Variants in RNF115 observed in about 807,000 individuals in gnomAD.
The protein encoded by RNF115 is ring finger protein 115, also known as E3 ubiquitin-protein ligase RNF115.
RNF115 carries 31 observed loss-of-function variants against 39.2 expected under a neutral mutation model. That is an observed-to-expected ratio of 0.79 (90% confidence interval 0.59 to 1.07). The LOEUF (loss-of-function observed/expected upper bound fraction) is 1.07. Ranked by LOEUF, RNF115 falls within the 50% of genes least tolerant of loss-of-function variation. RNF115 has a pLI of 0.00. For synonymous variants in RNF115, 124 were observed against 131.0 expected (o/e 0.95, Z 0.37); for missense variants, 384 against 381.7 (o/e 1.01, Z -0.05).
chr1:145,760,460 G>A (rs1258577465), intron 4 of RNF115, among the ~76,000 whole-genome samples: 1 of 152,168 alleles, frequency 6.6e-6, no homozygotes, highest in Non-Finnish European at 1.5e-5. Context: ...TGCTGTGAGA[G>A]GGACCCTGGG....
At chr1:145,780,618 TAA>T (rs1205816224) in intron 3 of RNF115, among the ~76,000 whole-genome samples, 9 of 64,528 alleles carry the variant, frequency 1.4e-4, no homozygotes, top group African/African-American at 2.4e-4. Flanking sequence ...AGACTCCGTC[TAA>T]AAAAAAAAAA....
intron 3 of RNF115, among the ~76,000 whole-genome samples, chr1:145,780,940 G>T (rs1648115171): frequency 6.6e-6 from 1 of 152,102 alleles, no homozygotes; most frequent in South Asian, 2.1e-4. Flanking sequence ...AGTAATCAAT[G>T]AAACCTTCAG....
chr1:145,761,684 G>T (rs781838686), intron 4 of RNF115, among the ~76,000 whole-genome samples: 1 of 152,250 alleles, frequency 6.6e-6, no homozygotes, highest in Non-Finnish European at 1.5e-5. Context: ...TGCTAGGGCG[G>T]TGCGGAAGGA....
intron 3 of RNF115, among the ~76,000 whole-genome samples, chr1:145,779,063 T>G (rs1648005862): frequency 6.6e-6 from 1 of 152,148 alleles, no homozygotes; most frequent in South Asian, 2.1e-4. Flanking sequence ...TGTTCTAGAC[T>G]CAGGTAAAGG....
At chr1:145,769,760 T>TAAAAA (rs11286047) in intron 4 of RNF115, among the ~76,000 whole-genome samples, 2 of 125,592 alleles carry the variant, frequency 1.6e-5, no homozygotes, top group Non-Finnish European at 3.2e-5. Flanking sequence ...TAAAAATCCT[T>TAAAAA]AAAAAAAAAA....
intron 1 of RNF115, among the ~76,000 whole-genome samples, chr1:145,796,145 A>T (rs1648966427): frequency 6.6e-6 from 1 of 152,174 alleles, no homozygotes; most frequent in Non-Finnish European, 1.5e-5. Flanking sequence ...TAAAGACTTC[A>T]TATCACTCCA....
At chr1:145,790,091 A>T (rs763664686) in intron 1 of RNF115, among the ~76,000 whole-genome samples, 8 of 152,178 alleles carry the variant, frequency 5.3e-5, no homozygotes, top group Non-Finnish European at 1.0e-4. Flanking sequence ...GTTTCCACTG[A>T]CAGCTGAAAG....
intron 2 of RNF115, 57 bp downstream of exon 2, chr1:145,788,851 G>T: frequency 1.6e-6 from 2 of 1,231,704 alleles, no homozygotes; most frequent in South Asian, 1.2e-5. Context: ...AGTCCATGCT[G>T]AGAGAAAATA....
chr1:145,816,467 C>G (rs1570699292), intron 1 of RNF115, among the ~76,000 whole-genome samples: 1 of 81,442 alleles, frequency 1.2e-5, no homozygotes, highest in African/African-American at 3.9e-5. Context: ...GAGTGTTATT[C>G]TGTCAAATTA....
At chr1:145,756,831 CTTTTTTTTTTTTTT>C (rs142073195) in intron 4 of RNF115, among the ~76,000 whole-genome samples, 91 of 67,872 alleles carry the variant, frequency 1.3e-3, no homozygotes, top group Non-Finnish European at 2.0e-3. Flanking sequence ...TTTCTAGCTT[CTTTTTTTTTTTTTT>C]TTTTTTTTTT....
chr1:145,799,105 GT>G (rs1432873637), intron 1 of RNF115, among the ~76,000 whole-genome samples: 3 of 148,626 alleles, frequency 2.0e-5, no homozygotes, highest in Non-Finnish European at 4.4e-5. Context: ...GTGTCGCTCT[GT>G]CACCAGGCTG....
At chr1:145,750,282 G>A in intron 7 of RNF115, 125 bp downstream of exon 7, 4 of 767,568 alleles carry the variant, frequency 5.2e-6, no homozygotes, top group Non-Finnish European at 8.3e-6. Flanking sequence ...AAGGTATTGG[G>A]ATTTTTTTTC....
chr1:145,806,598 T>G (rs1553721603), intron 1 of RNF115, among the ~76,000 whole-genome samples: 1 of 152,094 alleles, frequency 6.6e-6, no homozygotes, highest in African/African-American at 2.4e-5. Flanking sequence ...AGATCCCTCA[T>G]GAATGTCTTG....
At chr1:145,803,250 C>A (rs997590025) in intron 1 of RNF115, among the ~76,000 whole-genome samples, 3 of 136,744 alleles carry the variant, frequency 2.2e-5, no homozygotes, top group Non-Finnish European at 5.1e-5. Flanking sequence ...AACAATAGGC[C>A]ACAGTTTCAG....
chr1:145,815,012 G>C (rs1649920630), intron 1 of RNF115, among the ~76,000 whole-genome samples: 1 of 152,262 alleles, frequency 6.6e-6, no homozygotes, highest in South Asian at 2.1e-4. Flanking sequence ...TATAGCACCA[G>C]ATAGACATCT....
At chr1:145,750,350 A>C (rs1658031168) in intron 7 of RNF115, 57 bp downstream of exon 7, 2 of 1,342,118 alleles carry the variant, frequency 1.5e-6, no homozygotes, top group South Asian at 2.4e-5. Flanking sequence ...GTCAGAAGAT[A>C]CCGGGATTTT....
intron 1 of RNF115, among the ~76,000 whole-genome samples, chr1:145,804,499 G>A (rs376593988): frequency 1.3e-5 from 2 of 148,438 alleles, no homozygotes; most frequent in African/African-American, 2.5e-5. Flanking sequence ...ATGCATGCAT[G>A]CACACACACA....
chr1:145,807,444 T>C (rs1649509989), intron 1 of RNF115, among the ~76,000 whole-genome samples: 2 of 152,196 alleles, frequency 1.3e-5, no homozygotes, highest in Non-Finnish European at 2.9e-5. Context: ...AATCAGCACC[T>C]GCACTTGATA....
At chr1:145,814,362 G>C (rs1649883174) in intron 1 of RNF115, among the ~76,000 whole-genome samples, 2 of 152,026 alleles carry the variant, frequency 1.3e-5, no homozygotes, top group African/African-American at 4.8e-5. Context: ...CTCATTTATT[G>C]CTCAGTAGGA....
Sources: gnomAD v4.1 joint callset for allele counts (sites outside exome capture counted in the v4.1 genomes callset) on GRCh38, gnomAD v4.1.1 for gene constraint, MANE v1.5 for transcripts, NCBI Gene and HGNC (gene_info 2026-07-23, HGNC 2026-07-21) for gene names.